THOC2: variants seen among roughly 807,000 people sequenced by gnomAD.
THOC2 encodes the protein THO complex subunit 2, also known as THO complex 2.
THOC2 carries 10 observed loss-of-function variants against 128.4 expected under a neutral mutation model. That is an observed-to-expected ratio of 0.08 (90% CI 0.05 to 0.13). THOC2 has a LOEUF of 0.13. Ranked by LOEUF, THOC2 falls within the 10% of genes least tolerant of loss-of-function variation. The pLI, the probability that THOC2 is intolerant of heterozygous loss-of-function variation, is 1.00. For missense variants in THOC2, 535 were observed against 1,155.7 expected (o/e 0.46, Z 7.79); for synonymous variants, 393 against 396.9 (o/e 0.99, Z 0.12).
chrX:123,679,961 G>A (rs143939071), intron 8 of THOC2, among the ~76,000 whole-genome samples: 2,472 of 112,238 alleles, frequency 0.022, 64 homozygotes, highest in African/African-American at 0.076. Flanking sequence ...CACTGCGGAA[G>A]GCTGCAGGGA....
intron 33 of THOC2, among the ~76,000 whole-genome samples, chrX:123,618,007 A>G (rs2046957225): frequency 8.9e-6 from 1 of 112,111 alleles, no homozygotes; most frequent in African/African-American, 3.2e-5. Context: ...CTAAATAGGA[A>G]CATCATTTTA....
chrX:123,698,404 G>A (rs1292906736), intron 4 of THOC2, among the ~76,000 whole-genome samples: 1 of 104,888 alleles, frequency 9.5e-6, no homozygotes, highest in East Asian at 3.0e-4. Flanking sequence ...CTTGCAGTGA[G>A]CCGAGATCGT....
intron 2 of THOC2, among the ~76,000 whole-genome samples, chrX:123,712,058 ATCT>A (rs2051217686): frequency 1.8e-5 from 2 of 109,054 alleles, no homozygotes; most frequent in Admixed American, 9.9e-5. Context: ...ATTGTTCTTA[ATCT>A]TCTTTTCACA....
In THOC2 at chrX:123,602,409, A is replaced by T. The variant is rs1603207985; in HGVS notation, c.*19-1071T>A. ...ATCATTTAGCCATAAAAAGGAATGC[A>T]GTACTGATACATGCCACAACATGGA... On this transcript the variant is annotated intron_variant, in intron 38 of 38. Coordinates refer to ENST00000245838, the MANE Select transcript of THOC2 (RefSeq NM_001081550.2). 3 of 112,780 alleles carry T rather than the reference A, an allele frequency of 2.7e-5. No individual in the cohort carries two copies. The East Asian group carries it at 8.3e-4, about 31-fold the overall frequency. The allele number at this position is 112,780 out of a possible 1,213,427, so 9.3% of individuals were successfully genotyped here. A position where few individuals can be genotyped will look rare whatever the true frequency, so the allele number is the denominator to read the frequency against.
intron 22 of THOC2, among the ~76,000 whole-genome samples, chrX:123,630,612 CAAAAAAAAAAA>C (rs57639724): frequency 0.043 from 686 of 16,070 alleles, 10 homozygotes; most frequent in African/African-American, 0.11. Context: ...GACTCCATCT[CAAAAAAAAAAA>C]AAAAAAAAAA....
In THOC2 at chrX:123,605,518, T is replaced by C. The variant is rs774693322; in HGVS notation, c.*19-4180A>G. ...CTACATACAGACCAAAATGAGAGCA[T>C]ATTAAATCTGCCCTCAAAAAATATG... On this transcript the variant is annotated intron_variant, in intron 38 of 38. Coordinates refer to ENST00000245838, the MANE Select transcript of THOC2 (RefSeq NM_001081550.2). Among the ~76,000 whole-genome samples, 22 of 111,757 alleles carry C rather than the reference T, an allele frequency of 2.0e-4. No homozygotes were observed. In the South Asian group the frequency reaches 7.9e-3, roughly 40 times the overall value.
chrX:123,618,217 C>T (rs186581753), intron 33 of THOC2, among the ~76,000 whole-genome samples: 9 of 111,485 alleles, frequency 8.1e-5, no homozygotes, highest in Non-Finnish European at 1.7e-4. Context: ...TGTGTTATTT[C>T]GGCTTGTTCT....
At chrX:123,604,371 G>A (rs148358950) in intron 38 of THOC2, among the ~76,000 whole-genome samples, 1 of 100,884 alleles carries the variant, frequency 9.9e-6, no homozygotes, top group African/African-American at 3.5e-5. Flanking sequence ...TGAGTTGTTT[G>A]TTTTTTTTTT....
At chrX:123,687,024 C>T (rs774501979) in intron 7 of THOC2, among the ~76,000 whole-genome samples, 33 of 111,217 alleles carry the variant, frequency 3.0e-4, no homozygotes, top group South Asian at 1.5e-3. Flanking sequence ...CTTGATTACT[C>T]GGGCTAGTGA....
At chrX:123,702,083 T>G (rs1263115857) in intron 4 of THOC2, among the ~76,000 whole-genome samples, 2 of 111,850 alleles carry the variant, frequency 1.8e-5, no homozygotes, top group South Asian at 7.4e-4. Flanking sequence ...AGAATTAAGA[T>G]TAATGAGCTA....
At chrX:123,713,476 C>CAAAAA (rs1245124629) in intron 1 of THOC2, among the ~76,000 whole-genome samples, 1 of 38,386 alleles carries the variant, frequency 2.6e-5, no homozygotes, top group Non-Finnish European at 5.5e-5. Flanking sequence ...TCTGTCTCTA[C>CAAAAA]AAAAAAAAAA....
At chrX:123,653,290 T>C (rs1384594985) in intron 12 of THOC2, among the ~76,000 whole-genome samples, 2 of 112,003 alleles carry the variant, frequency 1.8e-5, no homozygotes, top group African/African-American at 3.3e-5. Flanking sequence ...ATTAAAAGAC[T>C]TAAACGTTAA....
At chrX:123,613,304 A>G in intron 36 of THOC2, 95 bp downstream of exon 36, 2 of 881,235 alleles carry the variant, frequency 2.3e-6, no homozygotes, top group South Asian at 4.5e-5. Context: ...TGAACAAAAG[A>G]CTATAGGACT....
intron 38 of THOC2, among the ~76,000 whole-genome samples, chrX:123,609,986 G>A (rs1030502827): frequency 9.1e-6 from 1 of 109,891 alleles, no homozygotes; most frequent in African/African-American, 3.3e-5. Flanking sequence ...CTGAGATCGC[G>A]CCACTGCACT....
chrX:123,703,890 T>TTAAAAAAAAAA (rs1195060826), intron 3 of THOC2, among the ~76,000 whole-genome samples: 1 of 37,031 alleles, frequency 2.7e-5, no homozygotes, highest in Non-Finnish European at 4.1e-5. Context: ...ACTCTGTCTT[T>TTAAAAAAAAAA]AAAAAAAAAA....
chrX:123,670,719 C>A (rs2049242835), intron 9 of THOC2, among the ~76,000 whole-genome samples: 1 of 112,454 alleles, frequency 8.9e-6, no homozygotes, highest in South Asian at 3.7e-4. Context: ...TATCAAGATC[C>A]CAGTTCAACA....
At chrX:123,665,950 T>C in intron 11 of THOC2, 113 bp from the exon 12 acceptor site, 1 of 450,943 alleles carries the variant, frequency 2.2e-6, no homozygotes, top group Non-Finnish European at 3.2e-6. Context: ...TCTTAATCAG[T>C]GAAATTTTTT....
Position 123,717,304 on chromosome X carries a change from AC to A in THOC2, c.72-4397del, listed in dbSNP as rs1453683863. Among the ~76,000 whole-genome samples the A allele has an allele frequency of 8.0e-5, 9 of 112,030 alleles. No individual in the cohort carries two copies. The East Asian group carries it at 2.5e-3, about 31-fold the overall frequency. The stretch of plus-strand genomic sequence containing the variant: ...AATCACAGGATATAAAAATCAACAC[AC>A]AAAAATAGGTAGTGTTTCTATATAC... On this transcript the variant is annotated intron_variant, in intron 1 of 38. Transcript: ENST00000245838.
intron 16 of THOC2, among the ~76,000 whole-genome samples, chrX:123,639,442 G>A (rs763814179): frequency 8.1e-5 from 9 of 111,765 alleles, no homozygotes; most frequent in Non-Finnish European, 1.7e-4. Context: ...GTGTTTTATA[G>A]TTCTAGTAGA....
Sources: allele counts gnomAD v4.1 joint callset (sites outside exome capture counted in the v4.1 genomes callset), GRCh38; gene constraint gnomAD v4.1.1; transcripts MANE v1.5; gene names NCBI Gene and HGNC (gene_info 2026-07-23, HGNC 2026-07-21).